The following ATG5 variants were observed in gnomAD, a reference collection of about 807,000 sequenced individuals.
ATG5 encodes the protein autophagy related 5.
ATG5 carries 14 observed loss-of-function variants against 36.5 expected under a neutral mutation model. That is an observed-to-expected ratio of 0.38 (90% CI 0.25 to 0.60). The LOEUF (loss-of-function observed/expected upper bound fraction) is 0.60, where lower values mean the gene tolerates loss of function less well. Among genes scored for constraint, ATG5 ranks in the 20% least tolerant of loss-of-function variants. The probability of loss-of-function intolerance (pLI) is 0.60; values close to 1 mark genes in which losing one functional copy is unlikely to be tolerated. For synonymous variants in ATG5, 95 were observed against 101.5 expected (o/e 0.94, Z 0.38); for missense variants, 195 against 326.7 (o/e 0.60, Z 3.11).
chr6:106,190,610 A>T (rs1370360020), intron 7 of ATG5, among the ~76,000 whole-genome samples: 1 of 152,184 alleles, frequency 6.6e-6, no homozygotes, highest in Admixed American at 6.5e-5. Flanking sequence ...ATTATTTTGT[A>T]TAATGTCCAC....
At chr6:106,216,544 G>GAA (rs1777044129) in intron 6 of ATG5, among the ~76,000 whole-genome samples, 1 of 152,164 alleles carries the variant, frequency 6.6e-6, no homozygotes, top group Admixed American at 6.5e-5. Context: ...CCAGAAGGGA[G>GAA]AAATAAATTA....
chr6:106,322,133 G>GT, intron 1 of ATG5, among the ~76,000 whole-genome samples: 1 of 152,100 alleles, frequency 6.6e-6, no homozygotes, highest in African/African-American at 2.4e-5. Flanking sequence ...TCTACTAGAA[G>GT]TAAGTTTCTT....
At chr6:106,206,534 C>T (rs1776641798) in intron 6 of ATG5, among the ~76,000 whole-genome samples, 1 of 151,946 alleles carries the variant, frequency 6.6e-6, no homozygotes, top group South Asian at 2.1e-4. Flanking sequence ...CCTGTAATCC[C>T]AGCTACTCAG....
chr6:106,290,718 T>A (rs971298840), intron 4 of ATG5, among the ~76,000 whole-genome samples: 2 of 152,206 alleles, frequency 1.3e-5, no homozygotes, highest in Non-Finnish European at 2.9e-5. Flanking sequence ...TTTGAATGGA[T>A]CTTTTTACAC....
chr6:106,188,966 T>C (rs1243382381), intron 7 of ATG5, among the ~76,000 whole-genome samples: 1 of 152,196 alleles, frequency 6.6e-6, no homozygotes, highest in Admixed American at 6.5e-5. Flanking sequence ...ATTCTTAGAA[T>C]AGGGCAGCAG....
At chr6:106,243,708 G>A (rs2787529) in intron 6 of ATG5, among the ~76,000 whole-genome samples, 12,922 of 151,826 alleles carry the variant, frequency 0.085, 576 homozygotes, top group South Asian at 0.13. Flanking sequence ...GTGGGCAATT[G>A]TAATCCTAGC....
In ATG5 at chr6:106,302,003, A is replaced by T. The variant is rs111838303; in HGVS notation, c.236+6361T>A. Among the ~76,000 whole-genome samples, 680 of 152,166 alleles carry T rather than the reference A, an allele frequency of 4.5e-3. 4 individuals carry two copies. Among genetic ancestry groups the T allele is most frequent in the African/African-American group, 0.015 (639 of 41,552 alleles). The stretch of plus-strand genomic sequence containing the variant: ...TTCTGACTCCAGAGTCAGCATCCTT[A>T]ATAACCATTATGTTACAATACACAG... On this transcript the variant is annotated intron_variant, in intron 3 of 7. Transcript: ENST00000369076.
At chr6:106,214,662 T>C (rs188347089) in intron 6 of ATG5, among the ~76,000 whole-genome samples, 8 of 152,312 alleles carry the variant, frequency 5.3e-5, no homozygotes, top group Non-Finnish European at 8.8e-5. Flanking sequence ...CAAATGTACT[T>C]TGTCATACAA....
At position 106,186,617 on chromosome 6, in the gene ATG5, G is replaced by C. The variant is rs770143894; in HGVS notation, c.751C>G (p.Leu251Val). 1 of 1,613,698 alleles carries C rather than the reference G, an allele frequency of 6.2e-7. No individual in the cohort carries two copies. The highest frequency in any genetic ancestry group is 8.5e-7 in the Non-Finnish European group (1 of 1,179,692). ...CTCAGATGTTCACTCAGCCACTGCA[G>C]AGGTGTTTCCAACATTGGCTCAATT... ...HGIEPMLETP[L>V]QWLSEHLSYP... The change falls in exon 8 of 8, where the codon CTG (leucine) becomes GTG (valine). Residue 251 changes from leucine (L) to valine (V), a missense_variant. Physicochemically the swap from Leu to Val is conservative, Grantham distance 32. Transcript: ENST00000369076.
At chr6:106,311,669 G>C (rs1770649891) in intron 2 of ATG5, among the ~76,000 whole-genome samples, 1 of 152,046 alleles carries the variant, frequency 6.6e-6, no homozygotes, top group Non-Finnish European at 1.5e-5. Flanking sequence ...TAAACTAAAT[G>C]AAAGATCCTA....
chr6:106,261,443 C>T (rs893340892), intron 5 of ATG5, among the ~76,000 whole-genome samples: 1 of 152,162 alleles, frequency 6.6e-6, no homozygotes, highest in Admixed American at 6.5e-5. Flanking sequence ...GACAACAGGA[C>T]ATACTAGTTC....
chr6:106,308,291 T>C (rs1212339770), intron 3 of ATG5, 73 bp downstream of exon 3: 35 of 1,314,876 alleles, frequency 2.7e-5, no homozygotes, highest in Non-Finnish European at 3.2e-5. Context: ...TTTTTTACAA[T>C]TGTTTCAGGG....
intron 6 of ATG5, among the ~76,000 whole-genome samples, chr6:106,224,189 A>T (rs769957025): frequency 1.3e-5 from 2 of 152,212 alleles, no homozygotes; most frequent in African/African-American, 2.4e-5. Context: ...GTTTAGGGGA[A>T]TAGCATGCAG....
At chr6:106,199,054 A>C (rs1365013401) in intron 7 of ATG5, among the ~76,000 whole-genome samples, 2 of 152,226 alleles carry the variant, frequency 1.3e-5, no homozygotes, top group East Asian at 3.8e-4. Flanking sequence ...ATCATGAGAT[A>C]CCACTAGGAT....
At chr6:106,269,269 T>C (rs1182027151) in intron 5 of ATG5, among the ~76,000 whole-genome samples, 3 of 152,154 alleles carry the variant, frequency 2.0e-5, no homozygotes, top group South Asian at 2.1e-4. Flanking sequence ...TTGAGCTAGA[T>C]ACAGAGTGCT....
At chr6:106,287,104 T>C (rs578141453) in intron 4 of ATG5, among the ~76,000 whole-genome samples, 1 of 152,164 alleles carries the variant, frequency 6.6e-6, no homozygotes, top group Non-Finnish European at 1.5e-5. Context: ...GCTACCAACA[T>C]TTATAGCTGG....
intron 6 of ATG5, among the ~76,000 whole-genome samples, chr6:106,231,779 G>C (rs778062354): frequency 1.3e-5 from 2 of 151,998 alleles, no homozygotes; most frequent in Non-Finnish European, 2.9e-5. Context: ...TATTGAACTT[G>C]GCAACCTCAG....
At chr6:106,309,547 A>G (rs1335350491) in intron 2 of ATG5, among the ~76,000 whole-genome samples, 1 of 152,176 alleles carries the variant, frequency 6.6e-6, no homozygotes, top group African/African-American at 2.4e-5. Flanking sequence ...TTATTCTTTT[A>G]TAAAGAAATA....
At chr6:106,215,129 T>G (rs371207293) in intron 6 of ATG5, among the ~76,000 whole-genome samples, 1 of 152,258 alleles carries the variant, frequency 6.6e-6, no homozygotes, top group Admixed American at 6.5e-5. Context: ...TATGAACATG[T>G]TTTATCCTTT....
Sources: allele counts gnomAD v4.1 joint callset (sites outside exome capture counted in the v4.1 genomes callset), GRCh38; gene constraint gnomAD v4.1.1; transcripts MANE v1.5; gene names NCBI Gene and HGNC (gene_info 2026-07-23, HGNC 2026-07-21).